Variants in PDIA6 observed in about 807,000 individuals in gnomAD.
The protein encoded by PDIA6 is protein disulfide-isomerase A6.
In PDIA6, 29 loss-of-function variants were observed where a neutral mutation model predicts 58.4. That is an observed-to-expected ratio of 0.50 (90% CI 0.37 to 0.68). PDIA6 has a LOEUF of 0.68. Among genes scored for constraint, PDIA6 ranks in the 30% least tolerant of loss-of-function variants. The probability of loss-of-function intolerance (pLI) is 0.00; values close to 1 mark genes in which losing one functional copy is unlikely to be tolerated. For synonymous variants in PDIA6, 192 were observed against 202.6 expected (o/e 0.95, Z 0.44); for missense variants, 480 against 551.0 (o/e 0.87, Z 1.29).
At position 10,788,970 on chromosome 2, in the gene PDIA6, CTCGTTGATAA is replaced by C; in HGVS notation, c.842_851del (p.Ile281ArgfsTer38). 1 of 1,613,800 alleles carries C rather than the reference CTCGTTGATAA, an allele frequency of 6.2e-7. No homozygotes were observed. Among genetic ancestry groups the C allele is most frequent in the Non-Finnish European group, 8.5e-7 (1 of 1,179,670 alleles). Reference sequence around the variant, plus strand: ...CCTCACACGTCCTCTTGGCAATGTCCTCGTTGATAATCTGTGGGACCCAAAAGACAAGGGA... The same window carrying C: ...CCTCACACGTCCTCTTGGCAATGTCCTCTGTGGGACCCAAAAGACAAGGGA... On this transcript the variant is annotated frameshift_variant and splice_region_variant, in exon 9 of 13. Coordinates refer to ENST00000272227, the MANE Select transcript of PDIA6 (RefSeq NM_005742.4). LOFTEE classifies it high-confidence loss of function.
chr2:10,818,370 T>G (rs1456204987), intron 2 of PDIA6, among the ~76,000 whole-genome samples: 1 of 151,788 alleles, frequency 6.6e-6, no homozygotes, highest in Non-Finnish European at 1.5e-5. Flanking sequence ...GTTTTACTAT[T>G]TTGCCCAGGC....
intron 10 of PDIA6, 71 bp downstream of exon 10, chr2:10,788,626 G>T: frequency 9.6e-7 from 1 of 1,037,436 alleles, no homozygotes; most frequent in Non-Finnish European, 1.5e-6. Context: ...AAAAACACGG[G>T]GGAACCACTC....
chr2:10,826,387 C>G (rs1299519479), intron 1 of PDIA6, among the ~76,000 whole-genome samples: 1 of 151,460 alleles, frequency 6.6e-6, no homozygotes, highest in African/African-American at 2.4e-5. Flanking sequence ...TTTATGGAGT[C>G]TCGCTCTTGT....
At chr2:10,808,742 T>A (rs139532939) in intron 1 of PDIA6, among the ~76,000 whole-genome samples, 33 of 152,320 alleles carry the variant, frequency 2.2e-4, no homozygotes, top group African/African-American at 7.2e-4. Flanking sequence ...AGCCACTAGC[T>A]ACATGTGGCT....
chr2:10,806,650 A>AAAGAAAGAAAGAAAG (rs1553339954), intron 1 of PDIA6, among the ~76,000 whole-genome samples: 2 of 62,992 alleles, frequency 3.2e-5, no homozygotes, highest in South Asian at 5.8e-4. Flanking sequence ...AAGAAAGAAA[A>AAAGAAAGAAAGAAAG]ACGTTACAGT....
intron 1 of PDIA6, among the ~76,000 whole-genome samples, chr2:10,808,380 A>C (rs1463212969): frequency 2.0e-5 from 3 of 152,234 alleles, no homozygotes; most frequent in African/African-American, 7.2e-5. Flanking sequence ...TGAAAATAAC[A>C]GGCATGCAGT....
chr2:10,784,758 C>T (rs1665623889), intron 12 of PDIA6, 176 bp downstream of exon 12: 1 of 578,524 alleles, frequency 1.7e-6, no homozygotes, highest in African/African-American at 1.9e-5. Context: ...CCATGCAGCA[C>T]TTAAACTTGT....
At chr2:10,835,436 G>A (rs775749247), upstream of PDIA6, among the ~76,000 whole-genome samples, 3 of 152,128 alleles carry the variant, frequency 2.0e-5, no homozygotes, top group Non-Finnish European at 4.4e-5. Flanking sequence ...TCCAGGTGCG[G>A]CCTCCGGGGA....
intron 1 of PDIA6, chr2:10,810,513 A>T: frequency 8.6e-7 from 1 of 1,163,946 alleles, no homozygotes; most frequent in Non-Finnish European, 1.1e-6. Context: ...ATTAAGATAG[A>T]CTTGGGTTAT....
chr2:10,794,471 T>TC (rs1463347188), intron 4 of PDIA6, among the ~76,000 whole-genome samples: 30 of 35,666 alleles, frequency 8.4e-4, no homozygotes, highest in African/African-American at 1.7e-3. Context: ...AATCTTTCTT[T>TC]TTTTTTTTTT....
chr2:10,784,225 A>G lies in PDIA6; in HGVS notation c.*33T>C. 1 of 1,572,206 alleles carries G rather than the reference A, an allele frequency of 6.4e-7. No individual in the cohort carries two copies. Among genetic ancestry groups the G allele is most frequent in the Non-Finnish European group, 8.7e-7 (1 of 1,150,808 alleles). ...TGGAAAAATCCACTGGCTCCCAAGA[A>G]AAGAAAATGGTCTGAAGCCTCTGTT... On this transcript the variant is annotated 3_prime_UTR_variant, in exon 13 of 13. Transcript: ENST00000272227.
chr2:10,822,598 A>T (rs1667433122), intron 1 of PDIA6, among the ~76,000 whole-genome samples: 1 of 152,226 alleles, frequency 6.6e-6, no homozygotes, highest in Non-Finnish European at 1.5e-5. Context: ...GCAAACAGGG[A>T]TAAGTGGGCT....
intron 3 of PDIA6, 95 bp downstream of exon 3, chr2:10,797,605 C>G: frequency 1.2e-6 from 1 of 849,044 alleles, no homozygotes. Flanking sequence ...CATCTGCATA[C>G]TTATTACTTA....
chr2:10,794,468 C>CTTTT (rs76574229), intron 4 of PDIA6, among the ~76,000 whole-genome samples: 2 of 128,742 alleles, frequency 1.6e-5, no homozygotes, highest in African/African-American at 6.2e-5. Flanking sequence ...AAAAATCTTT[C>CTTTT]TTTTTTTTTT....
chr2:10,816,347 A>G (rs115518434), upstream of PDIA6, among the ~76,000 whole-genome samples: 18,384 of 150,414 alleles, frequency 0.12, 1,399 homozygotes, highest in African/African-American at 0.2. Context: ...CGACCTCCCA[A>G]AGTGCTGGGA....
chr2:10,824,687 C>CAGGGATGAAGCTGAAGT (rs1558463803), intron 1 of PDIA6, among the ~76,000 whole-genome samples: 35 of 152,082 alleles, frequency 2.3e-4, no homozygotes, highest in Non-Finnish European at 1.5e-4. Flanking sequence ...GAAGCTGAAG[C>CAGGGATGAAGCTGAAGT]GGGGCAGAGC....
At chr2:10,832,040 G>GGAGAGAAT (rs1667725088) in intron 1 of PDIA6, among the ~76,000 whole-genome samples, 1 of 98,670 alleles carries the variant, frequency 1.0e-5, no homozygotes, top group Admixed American at 1.1e-4. Flanking sequence ...AAAAAAAAGA[G>GGAGAGAAT]GAGAGAATTC....
At chr2:10,828,577 G>A (rs938382615) in intron 1 of PDIA6, among the ~76,000 whole-genome samples, 2 of 152,204 alleles carry the variant, frequency 1.3e-5, no homozygotes, top group African/African-American at 2.4e-5. Flanking sequence ...TGGCAGCTGG[G>A]ACGAAGGGGC....
upstream of PDIA6, among the ~76,000 whole-genome samples, chr2:10,815,954 T>C (rs1021278345): frequency 6.6e-6 from 1 of 152,052 alleles, no homozygotes; most frequent in African/African-American, 2.4e-5. Flanking sequence ...AAACAGAACC[T>C]CTGTACCCAT....
Sources: allele counts gnomAD v4.1 joint callset (sites outside exome capture counted in the v4.1 genomes callset), GRCh38; gene constraint gnomAD v4.1.1; transcripts MANE v1.5; gene names NCBI Gene and HGNC (gene_info 2026-07-23, HGNC 2026-07-21).